The following FBXO8 variants were observed in gnomAD, a reference collection of about 807,000 sequenced individuals.
FBXO8 encodes the protein F-box protein 8.
A neutral mutation model predicts 33.4 loss-of-function variants in FBXO8; 15 were observed. The ratio of observed to expected loss-of-function variants is 0.45; its 90% CI spans 0.30 to 0.69. The LOEUF is 0.69. Among genes scored for constraint, FBXO8 ranks in the 30% least tolerant of loss-of-function variants. FBXO8 has a pLI of 0.08. For missense variants in FBXO8, 274 were observed against 380.3 expected, an observed-to-expected ratio of 0.72 and a Z score of 2.32; for synonymous variants, 132 against 131.5, an observed-to-expected ratio of 1.00 and a Z score of -0.02.
At chr4:174,238,563 T>C (rs1273670606) in intron 5 of FBXO8, among the ~76,000 whole-genome samples, 2 of 151,430 alleles carry the variant, frequency 1.3e-5, no homozygotes, top group South Asian at 2.1e-4. Context: ...CAAACAGACA[T>C]ATATAACAAC....
In FBXO8 at chr4:174,253,633, T is replaced by C. The variant is rs1377950153; in HGVS notation, c.456+6066A>G. On this transcript the variant is annotated intron_variant, in intron 3 of 5. Coordinates refer to ENST00000393674, the MANE Select transcript of FBXO8 (RefSeq NM_012180.3). The surrounding 1 kb of genome is among the most constrained non-coding windows in gnomAD (Gnocchi z 4.5). ...TGCCTTAACAAAGGCCATTTCCCTG[T>C]TTTTCATTTCTTCTAGCATCCTAGC... Among the ~76,000 whole-genome samples the C allele has an allele frequency of 6.6e-6, 1 of 152,180 alleles. No homozygotes were observed. Among genetic ancestry groups the C allele is most frequent in the African/African-American group, 2.4e-5 (1 of 41,462 alleles).
intron 3 of FBXO8, among the ~76,000 whole-genome samples, chr4:174,243,705 A>G (rs1323455692): frequency 4.6e-5 from 7 of 151,278 alleles, no homozygotes; most frequent in Admixed American, 3.3e-4. Flanking sequence ...AAACTCCTAG[A>G]CCACATAGCA....
chr4:174,242,800 A>G (rs1285220688), intron 3 of FBXO8, among the ~76,000 whole-genome samples: 2 of 151,544 alleles, frequency 1.3e-5, no homozygotes, highest in Non-Finnish European at 3.0e-5. Context: ...AGTTGACTGT[A>G]TACTCAATCT....
At chr4:174,266,786 T>C (rs1034459827) in intron 1 of FBXO8, among the ~76,000 whole-genome samples, 1 of 152,202 alleles carries the variant, frequency 6.6e-6, no homozygotes, top group Non-Finnish European at 1.5e-5. Flanking sequence ...ATGATAAAAA[T>C]GTCTATAGCT....
rs1417442042 is a variant in FBXO8 at position 174,251,203 on chromosome 4, A to G, written c.456+8496T>C. Among the ~76,000 whole-genome samples the G allele has an allele frequency of 6.6e-6, 1 of 152,168 alleles. No homozygotes were observed. The highest frequency in any genetic ancestry group is 1.5e-5 in the Non-Finnish European group (1 of 68,024). On this transcript the variant is annotated intron_variant, in intron 3 of 5. Transcript: ENST00000393674. This position sits in a 1 kb window ranked among gnomAD's most constrained non-coding sequence, Gnocchi z 4.2. ...CTAATTTCAGTTTTTACCCTAGACA[A>G]TTCACACTCAATGATACAGCAAATT...
rs1736343509 is a variant in FBXO8, at chr4:174,253,470, C to CA, written c.456+6228dup. On this transcript the variant is annotated intron_variant, in intron 3 of 5. Coordinates refer to ENST00000393674, the MANE Select transcript of FBXO8 (RefSeq NM_012180.3). This position sits in a 1 kb window ranked among gnomAD's most constrained non-coding sequence, Gnocchi z 4.5. ...CAAGAAGGTAGGGTCAGCTACCAAC[C>CA]AAATTGTTGTGCCACAGGTGCCAAT... 6.6e-6 allele frequency among the ~76,000 whole-genome samples: 1 copy of CA among 152,152 alleles called. No homozygotes were observed. Among genetic ancestry groups the CA allele is most frequent in the South Asian group, 2.1e-4 (1 of 4,834 alleles).
At chr4:174,248,394 A>C (rs1736207360) in intron 3 of FBXO8, among the ~76,000 whole-genome samples, 1 of 152,102 alleles carries the variant, frequency 6.6e-6, no homozygotes, top group African/African-American at 2.4e-5. Flanking sequence ...CTCACTGAGG[A>C]ACCCATAACT....
At position 174,263,555 on chromosome 4, in the gene FBXO8, C is replaced by T. The variant is rs1442693791; in HGVS notation, c.-8-455G>A. ...AAGCTAGCTCCTTTTAACCAAACTC[C>T]CAGATGCGTAACAGCTGGGAAACAG... On this transcript the variant is annotated intron_variant, in intron 1 of 5. Coordinates refer to ENST00000393674, the MANE Select transcript of FBXO8 (RefSeq NM_012180.3). This position sits in a 1 kb window ranked among gnomAD's most constrained non-coding sequence, Gnocchi z 4.2. Among the ~76,000 whole-genome samples the T allele has an allele frequency of 6.6e-6, 1 of 152,048 alleles. No homozygotes were observed. The highest frequency in any genetic ancestry group is 1.5e-5 in the Non-Finnish European group (1 of 68,006).
chr4:174,281,912 T>G lies in FBXO8; in HGVS notation c.-9+1498A>C, dbSNP rs963754698. 3.3e-5 allele frequency among the ~76,000 whole-genome samples: 5 copies of G among 152,152 alleles called. No individual in the cohort carries two copies. The highest frequency in any genetic ancestry group is 2.0e-4 in the Admixed American group (3 of 15,276). On this transcript the variant is annotated intron_variant, in intron 1 of 5. Coordinates refer to ENST00000393674, the MANE Select transcript of FBXO8 (RefSeq NM_012180.3). This position sits in a 1 kb window ranked among gnomAD's most constrained non-coding sequence, Gnocchi z 4.6. ...ATAATTCAAGAAAAAGAAACAGAAA[T>G]TAAATGCATAATTCTTAGACTTTAG...
Position 174,241,178 on chromosome 4 carries a change from GA to G in FBXO8, c.496del (p.Ser166ArgfsTer5). ...GATAAACTTTGCTATTTCCTTTGGC[GA>G]ATCATCCAGGATACCCTTGGACATA... ...YFMSKGILDD[S>X]PKEIAKFIFC... On this transcript the variant is annotated frameshift_variant, in exon 4 of 6. Transcript: ENST00000393674. LOFTEE classifies it high-confidence loss of function. This position sits in a 1 kb window ranked among gnomAD's most constrained non-coding sequence, Gnocchi z 4.2. 1 of 1,609,460 alleles carries G rather than the reference GA, an allele frequency of 6.2e-7. No individual in the cohort carries two copies. Among genetic ancestry groups the G allele is most frequent in the Non-Finnish European group, 8.5e-7 (1 of 1,176,990 alleles).
intron 1 of FBXO8, among the ~76,000 whole-genome samples, chr4:174,266,248 AAATAAT>A (rs1014126446): frequency 6.6e-6 from 1 of 152,012 alleles, no homozygotes; most frequent in African/African-American, 2.4e-5. Flanking sequence ...GTTCTTTAAA[AAATAAT>A]AATAATAATA....
chr4:174,269,163 T>G (rs921805549), intron 1 of FBXO8: 15 of 152,218 alleles, frequency 9.9e-5, no homozygotes, highest in African/African-American at 3.4e-4. Context: ...ATGTTTTTTC[T>G]TGGTCTACAA....
intron 4 of FBXO8, among the ~76,000 whole-genome samples, 184 bp downstream of exon 4, chr4:174,240,916 C>T (rs1018783608): frequency 1.3e-5 from 2 of 151,624 alleles, no homozygotes; most frequent in Admixed American, 6.6e-5. Context: ...AAAATGGTAA[C>T]TTCCTCATCA....
chr4:174,276,163 G>A (rs1214399271), intron 1 of FBXO8, among the ~76,000 whole-genome samples: 1 of 152,008 alleles, frequency 6.6e-6, no homozygotes, highest in Admixed American at 6.6e-5. Flanking sequence ...ATATGCCCTT[G>A]TTTCCATTAA....
intron 3 of FBXO8, among the ~76,000 whole-genome samples, chr4:174,246,676 G>A (rs551553733): frequency 1.3e-5 from 2 of 151,874 alleles, no homozygotes; most frequent in African/African-American, 2.4e-5. Flanking sequence ...ACTGATGTGC[G>A]GGAGATTTTG....
At position 174,268,626 on chromosome 4, in the gene FBXO8, C is replaced by T. The variant is rs907141638; in HGVS notation, c.-8-5526G>A. On this transcript the variant is annotated intron_variant, in intron 1 of 5. Coordinates refer to ENST00000393674, the MANE Select transcript of FBXO8 (RefSeq NM_012180.3). ...AATTTTTTGTATTTTTTAGTAGAGA[C>T]GGGGTTTCACCGTGTTAGCCAGGAT... Among the ~76,000 whole-genome samples, 18 of 152,060 alleles carry T rather than the reference C, an allele frequency of 1.2e-4. 1 individual carries two copies. Among genetic ancestry groups the T allele is most frequent in the South Asian group, 1.0e-3 (5 of 4,808 alleles).
At position 174,270,044 on chromosome 4, in the gene FBXO8, A is replaced by G. The variant is rs1736801073; in HGVS notation, c.-8-6944T>C. The stretch of plus-strand genomic sequence containing the variant: ...TGCAAATACACTCAGGGAGCATGGT[A>G]GTAAACAGGAAACTTAGAAGCCTGA... On this transcript the variant is annotated intron_variant, in intron 1 of 5. Transcript: ENST00000393674. The surrounding 1 kb of genome is among the most constrained non-coding windows in gnomAD (Gnocchi z 4.6). Among the ~76,000 whole-genome samples, 1 of 152,244 alleles carries G rather than the reference A, an allele frequency of 6.6e-6. No individual in the cohort carries two copies. Among genetic ancestry groups the G allele is most frequent in the Admixed American group, 6.5e-5 (1 of 15,282 alleles).
rs1488447561 is a variant in FBXO8, at chr4:174,261,935, T to G, written c.329+829A>C. Among the ~76,000 whole-genome samples the G allele has an allele frequency of 1.3e-5, 2 of 152,092 alleles. No individual in the cohort carries two copies. Among genetic ancestry groups the G allele is most frequent in the African/African-American group, 4.8e-5 (2 of 41,462 alleles). On this transcript the variant is annotated intron_variant, in intron 2 of 5. Transcript: ENST00000393674. The surrounding 1 kb of genome is among the most constrained non-coding windows in gnomAD (Gnocchi z 4.1). ...AGATAATAAGACAAATAAACTTTGG[T>G]AAAGGATGCTAGAAGGTCTGAGATC...
rs1038830321 is a variant in FBXO8 at position 174,267,704 on chromosome 4, G to A, written c.-8-4604C>T. Among the ~76,000 whole-genome samples, 2 of 152,120 alleles carry A rather than the reference G, an allele frequency of 1.3e-5. No homozygotes were observed. The highest frequency in any genetic ancestry group is 2.9e-5 in the Non-Finnish European group (2 of 68,020). On this transcript the variant is annotated intron_variant, in intron 1 of 5. Transcript: ENST00000393674. This position sits in a 1 kb window ranked among gnomAD's most constrained non-coding sequence, Gnocchi z 4.7. Reference sequence around the variant, plus strand: ...GAACCAATTAAAACTTAATTTCAAAGTATAAAGTTTTCAGATTTGTGTTAA... The same window carrying A: ...GAACCAATTAAAACTTAATTTCAAAATATAAAGTTTTCAGATTTGTGTTAA...
Sources: allele counts gnomAD v4.1 joint callset (sites outside exome capture counted in the v4.1 genomes callset), GRCh38; gene constraint gnomAD v4.1.1; non-coding constraint Gnocchi (gnomAD v3.1); transcripts MANE v1.5; gene names NCBI Gene and HGNC (gene_info 2026-07-23, HGNC 2026-07-21).